The following TRAPPC9 variants were observed in gnomAD, a reference collection of about 807,000 sequenced individuals.
The protein encoded by TRAPPC9 is trafficking protein particle complex subunit 9, also known as IKK2 binding protein.
A neutral mutation model predicts 124.0 loss-of-function variants in TRAPPC9; 83 were observed. That is an observed-to-expected ratio of 0.67 (90% confidence interval 0.56 to 0.80). The LOEUF (loss-of-function observed/expected upper bound fraction) is 0.80, where lower values mean the gene tolerates loss of function less well. Among genes scored for constraint, TRAPPC9 ranks in the 30% least tolerant of loss-of-function variants. The probability of loss-of-function intolerance (pLI) is 0.00; values close to 1 mark genes in which losing one functional copy is unlikely to be tolerated. For missense variants in TRAPPC9, 1,302 were observed against 1,508.3 expected (o/e 0.86, Z 2.27); for synonymous variants, 638 against 617.5 (o/e 1.03, Z -0.49).
intron 9 of TRAPPC9, among the ~76,000 whole-genome samples, chr8:140,350,430 G>A (rs7821498): frequency 0.035 from 5,265 of 152,304 alleles, 117 homozygotes; most frequent in Non-Finnish European, 0.047. Flanking sequence ...AACAGCCATC[G>A]CAATGTGACA....
chr8:140,121,121 G>T (rs1332710335), intron 17 of TRAPPC9, among the ~76,000 whole-genome samples: 1 of 152,256 alleles, frequency 6.6e-6, no homozygotes, highest in African/African-American at 2.4e-5. Flanking sequence ...TTTCCCTCAG[G>T]ATATCAGGGA....
chr8:139,759,096 C>T (rs991786084), intron 21 of TRAPPC9, among the ~76,000 whole-genome samples: 4 of 152,204 alleles, frequency 2.6e-5, no homozygotes, highest in Admixed American at 2.0e-4. Flanking sequence ...GCTTCAGCTC[C>T]ACCCACAGCC....
intron 21 of TRAPPC9, among the ~76,000 whole-genome samples, chr8:139,762,850 C>G (rs894016378): frequency 2.4e-4 from 37 of 152,316 alleles, no homozygotes; most frequent in African/African-American, 8.4e-4. Flanking sequence ...AGTTGCCCAC[C>G]ACGCACCCAG....
intron 21 of TRAPPC9, among the ~76,000 whole-genome samples, chr8:139,821,072 G>A (rs2130793213): frequency 6.6e-6 from 1 of 152,330 alleles, no homozygotes; most frequent in Middle Eastern, 3.4e-3. Flanking sequence ...ACCAGGAAAT[G>A]TATCTGCAGT....
intron 21 of TRAPPC9, among the ~76,000 whole-genome samples, chr8:139,856,166 C>G (rs1827787661): frequency 6.6e-6 from 1 of 152,174 alleles, no homozygotes; most frequent in African/African-American, 2.4e-5. Flanking sequence ...CTGTGCCGTG[C>G]TCTCAGCCAG....
chr8:140,240,324 A>C (rs2063829180), intron 16 of TRAPPC9, among the ~76,000 whole-genome samples: 1 of 152,186 alleles, frequency 6.6e-6, no homozygotes, highest in Admixed American at 6.5e-5. Context: ...TAAATTGTGT[A>C]ATGCAAACCC....
chr8:140,411,775 A>G (rs976691047), intron 5 of TRAPPC9, among the ~76,000 whole-genome samples: 2 of 152,228 alleles, frequency 1.3e-5, no homozygotes, highest in African/African-American at 4.8e-5. Context: ...CAAAATAAAG[A>G]ATAATAGCAA....
intron 7 of TRAPPC9, among the ~76,000 whole-genome samples, chr8:140,379,039 G>A (rs1439807176): frequency 6.6e-6 from 1 of 151,724 alleles, no homozygotes; most frequent in Non-Finnish European, 1.5e-5. Flanking sequence ...AAATCACTAA[G>A]TATTTTCCAA....
intron 16 of TRAPPC9, among the ~76,000 whole-genome samples, chr8:140,235,755 T>C (rs540110351): frequency 6.6e-6 from 1 of 152,204 alleles, no homozygotes; most frequent in African/African-American, 2.4e-5. Context: ...AAAGCCAACA[T>C]AAACCTGAGC....
intron 17 of TRAPPC9, among the ~76,000 whole-genome samples, chr8:140,108,630 G>A (rs750519829): frequency 3.3e-5 from 5 of 152,206 alleles, no homozygotes; most frequent in Non-Finnish European, 1.5e-5. Flanking sequence ...TTGAAGGGTG[G>A]TTGTCAGACT....
intron 21 of TRAPPC9, among the ~76,000 whole-genome samples, chr8:139,837,194 A>G (rs1000540738): frequency 1.3e-5 from 2 of 152,172 alleles, no homozygotes; most frequent in African/African-American, 4.8e-5. Context: ...GGTTCTTACC[A>G]TCACCGTGAC....
intron 17 of TRAPPC9, among the ~76,000 whole-genome samples, chr8:140,088,379 G>C (rs1336884367): frequency 1.3e-5 from 2 of 152,186 alleles, no homozygotes; most frequent in Non-Finnish European, 2.9e-5. Flanking sequence ...TTAGTGATAA[G>C]AGTCCACCAA....
At chr8:139,920,761 C>T (rs1832455728) in intron 19 of TRAPPC9, among the ~76,000 whole-genome samples, 1 of 152,256 alleles carries the variant, frequency 6.6e-6, no homozygotes, top group Non-Finnish European at 1.5e-5. Flanking sequence ...GGTGAAGGAA[C>T]TAGGTTCAGG....
intron 16 of TRAPPC9, among the ~76,000 whole-genome samples, chr8:140,235,568 G>C (rs899716423): frequency 1.3e-5 from 2 of 152,302 alleles, no homozygotes; most frequent in South Asian, 2.1e-4. Flanking sequence ...CTTGGGAAAA[G>C]CAAGTTAATA....
chr8:140,239,744 T>C (rs1221743129), intron 16 of TRAPPC9, among the ~76,000 whole-genome samples: 1 of 152,230 alleles, frequency 6.6e-6, no homozygotes, highest in Admixed American at 6.5e-5. Context: ...CCTGGCCTTC[T>C]TCTTAGTAAC....
intron 21 of TRAPPC9, among the ~76,000 whole-genome samples, chr8:139,821,917 T>C (rs926809889): frequency 2.6e-5 from 4 of 152,214 alleles, no homozygotes; most frequent in Non-Finnish European, 4.4e-5. Flanking sequence ...CGTAGTGCCA[T>C]GCTCGGCTAT....
chr8:140,012,059 C>T (rs1231771299), intron 18 of TRAPPC9, among the ~76,000 whole-genome samples: 2 of 152,244 alleles, frequency 1.3e-5, no homozygotes, highest in African/African-American at 4.8e-5. Context: ...ATCTGCCCGC[C>T]TTGGCCTCCC....
At chr8:140,309,675 A>C (rs878930662) in intron 10 of TRAPPC9, among the ~76,000 whole-genome samples, 1 of 152,252 alleles carries the variant, frequency 6.6e-6, no homozygotes, top group Non-Finnish European at 1.5e-5. Flanking sequence ...TTAATCTTTA[A>C]AAAATGAATC....
At chr8:140,277,399 C>T (rs1050090963) in intron 14 of TRAPPC9, among the ~76,000 whole-genome samples, 1 of 152,256 alleles carries the variant, frequency 6.6e-6, no homozygotes, top group Admixed American at 6.5e-5. Context: ...CGTGTCCTTA[C>T]CATCAAGGGC....
Sources: allele counts gnomAD v4.1 joint callset (sites outside exome capture counted in the v4.1 genomes callset), GRCh38; gene constraint gnomAD v4.1.1; transcripts MANE v1.5; gene names NCBI Gene and HGNC (gene_info 2026-07-23, HGNC 2026-07-21).